The following ANTXR1 variants were observed in gnomAD, a reference collection of about 807,000 sequenced individuals.
The protein encoded by ANTXR1 is ANTXR cell adhesion molecule 1.
ANTXR1 carries 19 observed loss-of-function variants against 78.1 expected under a neutral mutation model. The observed-to-expected ratio is 0.24, with a 90% CI of 0.17 to 0.36. The LOEUF (loss-of-function observed/expected upper bound fraction) is 0.36. Ranked by LOEUF, ANTXR1 falls within the 10% of genes least tolerant of loss-of-function variation. The pLI is 1.00. For synonymous variants in ANTXR1, 273 were observed against 260.5 expected (o/e 1.05, Z -0.46); for missense variants, 518 against 718.6 (o/e 0.72, Z 3.19).
intron 9 of ANTXR1, 73 bp from the exon 10 acceptor site, chr2:69,102,769 T>C: frequency 7.1e-6 from 10 of 1,415,270 alleles, no homozygotes; most frequent in Non-Finnish European, 9.0e-6. Flanking sequence ...GAACAAATGC[T>C]CTAAATCAGG....
In ANTXR1 at chr2:69,066,109, C is replaced by T. The variant is rs189832546; in HGVS notation, c.297-4538C>T. Among the ~76,000 whole-genome samples, 270 of 152,256 alleles carry T rather than the reference C, an allele frequency of 1.8e-3. 1 individual carries two copies. The highest frequency in any genetic ancestry group is 1.8e-3 in the Non-Finnish European group (122 of 68,026). ...CAAGAAGACTAGGAAGTTGACAATGCAGAGCTGATATTGGGTTATTTTTGG... is the reference window on the plus strand; with the variant it reads ...CAAGAAGACTAGGAAGTTGACAATGTAGAGCTGATATTGGGTTATTTTTGG... On this transcript the variant is annotated intron_variant, in intron 3 of 17. Transcript: ENST00000303714.
chr2:69,157,933 G>A (rs531256666), intron 13 of ANTXR1, among the ~76,000 whole-genome samples: 35 of 152,138 alleles, frequency 2.3e-4, no homozygotes, highest in Non-Finnish European at 3.7e-4. Context: ...CAGAGTTCCC[G>A]TCCCTTGAGA....
chr2:69,085,485 C>G (rs1671023428), intron 8 of ANTXR1, among the ~76,000 whole-genome samples: 1 of 152,084 alleles, frequency 6.6e-6, no homozygotes, highest in African/African-American at 2.4e-5. Context: ...TCAGAAGACC[C>G]TGAGGTTACA....
At position 69,170,239 on chromosome 2, in the gene ANTXR1, T is replaced by C; in HGVS notation, c.1048-9T>C. On this transcript the variant is annotated splice_polypyrimidine_tract_variant and intron_variant, in intron 13 of 17. Transcript: ENST00000303714. ...TTTTTCACTGACCTGTTCTCTGTTT[T>C]CTTTTCAGATTATCAAGGAGGTCCC... is the stretch of plus-strand genomic sequence containing the variant. 1 of 1,614,164 alleles carries C rather than the reference T, an allele frequency of 6.2e-7. No homozygotes were observed. Among genetic ancestry groups the C allele is most frequent in the Admixed American group, 1.7e-5 (1 of 60,030 alleles).
At chr2:69,204,350 T>A (rs2104489727) in intron 17 of ANTXR1, among the ~76,000 whole-genome samples, 1 of 152,122 alleles carries the variant, frequency 6.6e-6, no homozygotes, top group East Asian at 1.9e-4. Context: ...TCGTTCAGCA[T>A]CTCCATGACC....
chr2:69,092,601 C>T (rs781427994), intron 9 of ANTXR1, among the ~76,000 whole-genome samples: 3 of 152,224 alleles, frequency 2.0e-5, no homozygotes, highest in Admixed American at 6.5e-5. Context: ...TAAATTGCTA[C>T]CTGACCACAC....
intron 16 of ANTXR1, among the ~76,000 whole-genome samples, chr2:69,191,394 C>T (rs577445872): frequency 2.0e-5 from 3 of 152,308 alleles, no homozygotes; most frequent in South Asian, 2.1e-4. Flanking sequence ...AACACTGCCC[C>T]TATATAAATG....
chr2:69,153,101 G>A (rs1392399771), intron 13 of ANTXR1, among the ~76,000 whole-genome samples: 1 of 152,180 alleles, frequency 6.6e-6, no homozygotes, highest in East Asian at 1.9e-4. Flanking sequence ...GTGCTGTGAA[G>A]CCCATGAATG....
chr2:69,021,946 C>A (rs1441843991), intron 1 of ANTXR1, among the ~76,000 whole-genome samples: 1 of 152,174 alleles, frequency 6.6e-6, no homozygotes, highest in African/African-American at 2.4e-5. Context: ...CTCTTTTCCT[C>A]CCTTCCCCAT....
At chr2:69,040,617 A>G (rs1669587647) in intron 2 of ANTXR1, among the ~76,000 whole-genome samples, 1 of 152,216 alleles carries the variant, frequency 6.6e-6, no homozygotes, top group Admixed American at 6.5e-5. Flanking sequence ...ATTATCAGGT[A>G]GAATCCTCTG....
chr2:69,218,171 T>G (rs1675225510), intron 17 of ANTXR1, among the ~76,000 whole-genome samples: 1 of 152,136 alleles, frequency 6.6e-6, no homozygotes, highest in Admixed American at 6.5e-5. Flanking sequence ...CTGGCCCTCG[T>G]GTGAAAACTG....
chr2:69,165,024 G>A lies in ANTXR1; in HGVS notation c.1048-5224G>A, dbSNP rs1388902075. Among the ~76,000 whole-genome samples, 21 of 152,230 alleles carry A rather than the reference G, an allele frequency of 1.4e-4. 1 individual carries two copies. The highest frequency in any genetic ancestry group is 1.4e-3 in the Admixed American group (21 of 15,286). ...AATAAGCTAATTCACAGTTCTCAAA[G>A]TGTGGTCCCTAGACCAGCAGGTACT... On this transcript the variant is annotated intron_variant, in intron 13 of 17. Coordinates refer to ENST00000303714, the MANE Select transcript of ANTXR1 (RefSeq NM_032208.3).
chr2:69,022,583 T>C (rs1671224511), intron 1 of ANTXR1, among the ~76,000 whole-genome samples: 1 of 152,158 alleles, frequency 6.6e-6, no homozygotes, highest in South Asian at 2.1e-4. Context: ...TTGTAGACCT[T>C]GGGAATGAAT....
chr2:69,145,915 A>T, intron 12 of ANTXR1: 1 of 985,794 alleles, frequency 1.0e-6, no homozygotes, highest in Non-Finnish European at 1.2e-6. Context: ...CAAGCAAGAG[A>T]TGCTTTCATT....
chr2:69,231,856 A>G (rs1239530802), intron 17 of ANTXR1, among the ~76,000 whole-genome samples: 1 of 152,202 alleles, frequency 6.6e-6, no homozygotes, highest in Admixed American at 6.5e-5. Flanking sequence ...CTAGCACATC[A>G]CTTTCATTAT....
intron 13 of ANTXR1, among the ~76,000 whole-genome samples, chr2:69,153,400 G>A (rs1573937856): frequency 6.6e-6 from 1 of 152,204 alleles, no homozygotes; most frequent in African/African-American, 2.4e-5. Context: ...GAGATGGGAA[G>A]CTCAACCAGG....
At position 69,083,803 on chromosome 2, in the gene ANTXR1, T is replaced by G. The variant is rs114979267; in HGVS notation, c.642+6315T>G. ...ATTGCATCTGTAAAACATGGCATTC[T>G]GGGCACCATTCACATTAGCAGGCTT... On this transcript the variant is annotated intron_variant, in intron 8 of 17. Transcript: ENST00000303714. Among the ~76,000 whole-genome samples the G allele has an allele frequency of 6.0e-3, 911 of 152,310 alleles. 3 individuals carry two copies. Among genetic ancestry groups the G allele is most frequent in the Non-Finnish European group, 7.9e-3 (537 of 68,016 alleles).
At chr2:69,214,197 C>A (rs1675122422) in intron 17 of ANTXR1, among the ~76,000 whole-genome samples, 1 of 152,238 alleles carries the variant, frequency 6.6e-6, no homozygotes. Flanking sequence ...ATGTTGGAAT[C>A]CCCAGGTTAA....
chr2:69,022,898 G>T (rs1166952543), intron 1 of ANTXR1, among the ~76,000 whole-genome samples: 1 of 152,182 alleles, frequency 6.6e-6, no homozygotes, highest in Non-Finnish European at 1.5e-5. Context: ...GTCACTGAGA[G>T]GCCATGTTTT....
Sources: gnomAD v4.1 joint callset for allele counts (sites outside exome capture counted in the v4.1 genomes callset) on GRCh38, gnomAD v4.1.1 for gene constraint, MANE v1.5 for transcripts, NCBI Gene and HGNC (gene_info 2026-07-23, HGNC 2026-07-21) for gene names.